PARP11: variants seen among roughly 807,000 people sequenced by gnomAD.
The protein encoded by PARP11 is poly(ADP-ribose) polymerase family member 11.
In PARP11, 31 loss-of-function variants were observed where a neutral mutation model predicts 42.9. The ratio of observed to expected loss-of-function variants is 0.72; its 90% confidence interval spans 0.54 to 0.98. The LOEUF is 0.98. Ranked by LOEUF, PARP11 falls within the 50% of genes least tolerant of loss-of-function variation. The pLI is 0.00. For synonymous variants in PARP11, 137 were observed against 127.3 expected (o/e 1.08, Z -0.51); for missense variants, 365 against 413.1 (o/e 0.88, Z 1.01).
chr12:3,822,843 A>C (rs1259177152), intron 4 of PARP11, among the ~76,000 whole-genome samples: 2 of 152,190 alleles, frequency 1.3e-5, no homozygotes, highest in South Asian at 2.1e-4. Flanking sequence ...ACTCGTATTT[A>C]TATTGTCTAT....
intron 1 of PARP11, chr12:3,839,552 G>A (rs3809251): frequency 0.95 from 1,428,233 of 1,502,736 alleles, 679,129 homozygotes; most frequent in Middle Eastern, 0.96. Context: ...GCGATTATAG[G>A]AGGATCATTT....
At chr12:3,854,716 T>C (rs1948162020) in intron 1 of PARP11, among the ~76,000 whole-genome samples, 1 of 152,102 alleles carries the variant, frequency 6.6e-6, no homozygotes, top group Non-Finnish European at 1.5e-5. Context: ...GAGGAGCTGG[T>C]ACCATTCCTT....
chr12:3,819,971 T>C (rs1018335221), intron 6 of PARP11, among the ~76,000 whole-genome samples: 2 of 152,204 alleles, frequency 1.3e-5, no homozygotes, highest in Non-Finnish European at 2.9e-5. Flanking sequence ...ATGCCTGAGA[T>C]GCCCTTCTCC....
intron 1 of PARP11, among the ~76,000 whole-genome samples, chr12:3,847,033 C>T (rs1473005317): frequency 1.3e-5 from 2 of 151,912 alleles, no homozygotes; most frequent in Non-Finnish European, 2.9e-5. Context: ...GCTATGACTG[C>T]ACCACTGCAC....
rs763045068 is a variant in PARP11, at chr12:3,814,018, C to G, written c.700+19G>C. On this transcript the variant is annotated intron_variant, in intron 7 of 7. Coordinates refer to ENST00000228820, the MANE Select transcript of PARP11 (RefSeq NM_020367.6). ...CTCTCTCCTGGGGCTCAAATTGGAC[C>G]TGGAATTCTGATAATTACCTTTTCC... The G allele has an allele frequency of 6.5e-7, 1 of 1,530,120 alleles. No homozygotes were observed. Among genetic ancestry groups the G allele is most frequent in the Non-Finnish European group, 8.9e-7 (1 of 1,128,432 alleles). 94.8% of individuals were successfully genotyped at this position (1,530,120 alleles called of 1,614,324 possible). A position where few individuals can be genotyped will look rare whatever the true frequency, so the allele number is the denominator to read the frequency against.
chr12:3,854,569 T>C (rs937410549), intron 1 of PARP11, among the ~76,000 whole-genome samples: 2 of 152,036 alleles, frequency 1.3e-5, no homozygotes, highest in East Asian at 3.9e-4. Flanking sequence ...ATATACACCC[T>C]CCCAAGACTA....
rs745974844 is a variant in PARP11, at chr12:3,821,921, T to C, written c.500A>G (p.Lys167Arg). 2.6e-5 allele frequency: 42 copies of C among 1,609,880 alleles called. No homozygotes were observed. The highest frequency in any genetic ancestry group is 3.2e-5 in the Non-Finnish European group (38 of 1,179,074). ...FGKTMDRNRI[K>R]RIQRIQNLDL... is the part of the protein sequence containing the mutation. ...TAGGTTTTGAATTCTCTGAATTCTT[T>C]TAATTCGGTTGCGATCCATCGTCTT... Residue 167 changes from lysine to arginine, a missense_variant, in exon 6 of 8, where the codon AAA (lysine) becomes AGA (arginine). Physicochemically the swap from Lys to Arg is conservative, Grantham distance 26 (BLOSUM62 2). Transcript: ENST00000228820.
intron 1 of PARP11, among the ~76,000 whole-genome samples, chr12:3,837,319 G>C (rs1390808869): frequency 2.6e-5 from 4 of 152,118 alleles, no homozygotes. Flanking sequence ...AAAGGAGGCA[G>C]GCCTAGTGGG....
rs1234833329 is a variant in PARP11 at position 3,841,953 on chromosome 12, T to C, written c.19-11935A>G. The C allele has an allele frequency of 6.8e-6, 11 of 1,608,928 alleles. No individual in the cohort carries two copies. The Middle Eastern group carries it at 4.9e-4, about 72-fold the overall frequency. On this transcript the variant is annotated intron_variant, in intron 1 of 7. Transcript: ENST00000228820. ...ATGTACATTCTCTCCCTGAAGCAAG[T>C]GTGAGCAGTAAGCCAGACGAAGGCC... is the stretch of plus-strand genomic sequence containing the variant.
At chr12:3,862,927 T>C (rs1256724449) in intron 1 of PARP11, among the ~76,000 whole-genome samples, 1 of 152,232 alleles carries the variant, frequency 6.6e-6, no homozygotes. Flanking sequence ...TGATTTCTTT[T>C]CCTGGGATTG....
intron 1 of PARP11, among the ~76,000 whole-genome samples, chr12:3,862,325 C>A (rs12309614): frequency 0.1 from 15,943 of 151,962 alleles, 1,301 homozygotes; most frequent in East Asian, 0.43. Context: ...TGGTAGCATG[C>A]ACCTGTAGTC....
chr12:3,816,518 A>G (rs1426184593), intron 6 of PARP11, among the ~76,000 whole-genome samples: 3 of 152,246 alleles, frequency 2.0e-5, no homozygotes, highest in African/African-American at 7.2e-5. Flanking sequence ...ACCACTATAA[A>G]GTGAGAAACC....
chr12:3,853,432 G>A (rs1158431028), intron 1 of PARP11, among the ~76,000 whole-genome samples: 2 of 152,174 alleles, frequency 1.3e-5, no homozygotes, highest in Non-Finnish European at 2.9e-5. Context: ...ATAAAGGGAT[G>A]GAGGAAGATC....
At chr12:3,826,014 C>A (rs866586406) in intron 4 of PARP11, 144 bp downstream of exon 4, 1 of 507,954 alleles carries the variant, frequency 2.0e-6, no homozygotes, top group Non-Finnish European at 3.5e-6. Context: ...CAGGTGTGAG[C>A]CACTGCGCCT....
At chr12:3,850,950 A>G (rs1010717876) in intron 1 of PARP11, among the ~76,000 whole-genome samples, 6 of 152,236 alleles carry the variant, frequency 3.9e-5, no homozygotes, top group African/African-American at 1.4e-4. Flanking sequence ...TCCTACATAA[A>G]GCTAAAAACA....
chr12:3,826,387 A>G (rs959132346), intron 3 of PARP11, among the ~76,000 whole-genome samples, 154 bp from the exon 4 acceptor site: 1 of 152,254 alleles, frequency 6.6e-6, no homozygotes, highest in Non-Finnish European at 1.5e-5. Flanking sequence ...TTTACCATGC[A>G]GCTAGCTATG....
At chr12:3,846,865 A>G (rs772994930) in intron 1 of PARP11, among the ~76,000 whole-genome samples, 6 of 152,128 alleles carry the variant, frequency 3.9e-5, no homozygotes, top group Non-Finnish European at 8.8e-5. Flanking sequence ...TAGGAGGATC[A>G]TTTATGGCCA....
At chr12:3,858,834 A>G (rs1388076778) in intron 1 of PARP11, among the ~76,000 whole-genome samples, 2 of 152,182 alleles carry the variant, frequency 1.3e-5, no homozygotes, top group African/African-American at 4.8e-5. Context: ...TCACGCCTGT[A>G]ATCCCAGCAC....
chr12:3,818,625 G>A (rs762789419), intron 6 of PARP11, among the ~76,000 whole-genome samples: 12 of 152,166 alleles, frequency 7.9e-5, no homozygotes, highest in Non-Finnish European at 1.3e-4. Context: ...TCACTGCCAA[G>A]CTTCTTGAAA....
Sources: gnomAD v4.1 joint callset for allele counts (sites outside exome capture counted in the v4.1 genomes callset) on GRCh38, gnomAD v4.1.1 for gene constraint, MANE v1.5 for transcripts, NCBI Gene and HGNC (gene_info 2026-07-23, HGNC 2026-07-21) for gene names.